GALNT17: variants seen among roughly 807,000 people sequenced by gnomAD.
GALNT17 encodes the protein polypeptide N-acetylgalactosaminyltransferase 17.
In GALNT17, 29 loss-of-function variants were observed where a neutral mutation model predicts 63.7. The ratio of observed to expected loss-of-function variants is 0.46; its 90% CI spans 0.34 to 0.62. The LOEUF is 0.62. Among genes scored for constraint, GALNT17 ranks in the 20% least tolerant of loss-of-function variants. The probability of loss-of-function intolerance (pLI) is 0.01; values close to 1 mark genes in which losing one functional copy is unlikely to be tolerated. For missense variants in GALNT17, 603 were observed against 799.6 expected (o/e 0.75, Z 2.97); for synonymous variants, 305 against 318.3 (o/e 0.96, Z 0.45).
intron 5 of GALNT17, among the ~76,000 whole-genome samples, chr7:71,432,291 A>G (rs1009919706): frequency 6.6e-6 from 1 of 152,116 alleles, no homozygotes; most frequent in South Asian, 2.1e-4. Context: ...CCGCGGTGGC[A>G]CATAACAACT....
At chr7:71,620,369 G>A (rs544252499) in intron 6 of GALNT17, among the ~76,000 whole-genome samples, 1 of 152,248 alleles carries the variant, frequency 6.6e-6, no homozygotes, top group African/African-American at 2.4e-5. Flanking sequence ...CTTGATATCA[G>A]TTTTTCTTTG....
intron 1 of GALNT17, among the ~76,000 whole-genome samples, chr7:71,319,096 A>ATCTATCTTTCTTTTCTT (rs779161547): frequency 2.3e-5 from 3 of 131,882 alleles, no homozygotes; most frequent in South Asian, 2.5e-4. Context: ...ATTTTTGTTT[A>ATCTATCTTTCTTTTCTT]TCTTTCTTTC....
chr7:71,148,984 T>C (rs555202518), intron 1 of GALNT17, among the ~76,000 whole-genome samples: 1 of 151,598 alleles, frequency 6.6e-6, no homozygotes, highest in Non-Finnish European at 1.5e-5. Context: ...TAGGCTGGAG[T>C]GCAGTGGCAC....
chr7:71,304,813 G>C (rs1442543167), intron 1 of GALNT17, among the ~76,000 whole-genome samples: 1 of 151,696 alleles, frequency 6.6e-6, no homozygotes, highest in Non-Finnish European at 1.5e-5. Flanking sequence ...GCAATGGCAC[G>C]ATCTCGGTTC....
chr7:71,518,994 C>T (rs566437986), intron 5 of GALNT17, among the ~76,000 whole-genome samples: 1 of 152,262 alleles, frequency 6.6e-6, no homozygotes, highest in African/African-American at 2.4e-5. Flanking sequence ...CCACAGGATA[C>T]ATCAGTGTCA....
intron 6 of GALNT17, among the ~76,000 whole-genome samples, chr7:71,583,603 T>A (rs181993973): frequency 6.6e-6 from 1 of 152,182 alleles, no homozygotes; most frequent in African/African-American, 2.4e-5. Flanking sequence ...TTAAACAGAT[T>A]CCCTGGCATT....
At chr7:71,410,766 CAT>C (rs1292755019) in intron 3 of GALNT17, among the ~76,000 whole-genome samples, 1 of 152,122 alleles carries the variant, frequency 6.6e-6, no homozygotes, top group Non-Finnish European at 1.5e-5. Context: ...GCCTGGATGA[CAT>C]GTGTTTGTTT....
At chr7:71,307,559 G>T (rs1169640340) in intron 1 of GALNT17, 1 of 151,888 alleles carries the variant, frequency 6.6e-6, no homozygotes, top group Non-Finnish European at 1.5e-5. Context: ...TAAGAGAGCA[G>T]AGAGTGGATG....
intron 5 of GALNT17, among the ~76,000 whole-genome samples, chr7:71,562,646 C>T (rs1341254639): frequency 1.3e-5 from 2 of 152,266 alleles, no homozygotes; most frequent in Non-Finnish European, 2.9e-5. Context: ...GGCGGTAATG[C>T]GAGTGATGGG....
chr7:71,697,427 G>A (rs1465578663), intron 9 of GALNT17, among the ~76,000 whole-genome samples: 2 of 152,162 alleles, frequency 1.3e-5, no homozygotes, highest in Non-Finnish European at 2.9e-5. Flanking sequence ...GTGGATGAAA[G>A]GATGAGGGAG....
chr7:71,517,843 C>G (rs775180159), intron 5 of GALNT17, among the ~76,000 whole-genome samples: 2 of 152,086 alleles, frequency 1.3e-5, no homozygotes, highest in Non-Finnish European at 2.9e-5. Flanking sequence ...AACAGAAAAC[C>G]TGAGCCTGTG....
chr7:71,644,828 G>A (rs59621717), intron 6 of GALNT17, among the ~76,000 whole-genome samples: 2,632 of 152,170 alleles, frequency 0.017, 68 homozygotes, highest in African/African-American at 0.059. Context: ...AGTGCTGGGG[G>A]CAAGTCACTC....
intron 6 of GALNT17, among the ~76,000 whole-genome samples, chr7:71,582,593 A>G (rs1229559137): frequency 1.3e-5 from 2 of 152,078 alleles, no homozygotes; most frequent in Non-Finnish European, 2.9e-5. Flanking sequence ...AAAAGAAAAA[A>G]AAGAATCTGT....
At chr7:71,348,156 G>C (rs1792128051) in intron 2 of GALNT17, among the ~76,000 whole-genome samples, 1 of 152,026 alleles carries the variant, frequency 6.6e-6, no homozygotes, top group African/African-American at 2.4e-5. Context: ...AGATACTCAG[G>C]GGGCTGAGGC....
chr7:71,646,948 G>A (rs10248083), intron 6 of GALNT17, among the ~76,000 whole-genome samples: 13,893 of 151,572 alleles, frequency 0.092, 890 homozygotes, highest in African/African-American at 0.19. Flanking sequence ...GGGTTTCACC[G>A]TGTTAGCCAG....
chr7:71,379,249 C>A (rs1029567751), intron 2 of GALNT17, among the ~76,000 whole-genome samples: 2 of 151,970 alleles, frequency 1.3e-5, no homozygotes, highest in African/African-American at 4.8e-5. Context: ...ATTCTCAGTT[C>A]TAGGAAATAA....
intron 1 of GALNT17, among the ~76,000 whole-genome samples, chr7:71,250,114 T>C (rs573214841): frequency 6.6e-6 from 1 of 152,320 alleles, no homozygotes; most frequent in Non-Finnish European, 1.5e-5. Context: ...TCAAAATGAC[T>C]CTCTAGTAGT....
At chr7:71,363,305 G>A (rs1157698319) in intron 2 of GALNT17, among the ~76,000 whole-genome samples, 1 of 152,162 alleles carries the variant, frequency 6.6e-6, no homozygotes, top group Non-Finnish European at 1.5e-5. Context: ...TACTCAATAA[G>A]CAATAGTTTT....
At chr7:71,691,297 T>C (rs1791439611) in intron 9 of GALNT17, among the ~76,000 whole-genome samples, 1 of 152,204 alleles carries the variant, frequency 6.6e-6, no homozygotes, top group Non-Finnish European at 1.5e-5. Flanking sequence ...TTTTTAGCCA[T>C]GAAGTATTTT....
Sources: allele counts gnomAD v4.1 joint callset (sites outside exome capture counted in the v4.1 genomes callset), GRCh38; gene constraint gnomAD v4.1.1; transcripts MANE v1.5; gene names NCBI Gene and HGNC (gene_info 2026-07-23, HGNC 2026-07-21).